RECQL: variants seen among roughly 807,000 people sequenced by gnomAD.
RECQL encodes ATP-dependent DNA helicase Q1.
A neutral mutation model predicts 75.8 loss-of-function variants in RECQL; 73 were observed. That is an observed-to-expected ratio of 0.96 (90% CI 0.80 to 1.17). RECQL has a LOEUF of 1.17. Ranked by LOEUF, RECQL falls within the 50% of genes most tolerant of loss-of-function variation. The pLI is 0.00. For synonymous variants in RECQL, 248 were observed against 254.4 expected, an observed-to-expected ratio of 0.97 and a Z score of 0.24; for missense variants, 699 against 772.1, an observed-to-expected ratio of 0.91 and a Z score of 1.12.
At chr12:21,487,981 G>T (rs1208517719) in intron 4 of RECQL, among the ~76,000 whole-genome samples, 1 of 152,122 alleles carries the variant, frequency 6.6e-6, no homozygotes, top group African/African-American at 2.4e-5. Flanking sequence ...ACAGCAGCTG[G>T]AATAGACTAA....
At chr12:21,499,238 G>A (rs1426586597) in intron 2 of RECQL, among the ~76,000 whole-genome samples, 1 of 152,160 alleles carries the variant, frequency 6.6e-6, no homozygotes, top group East Asian at 1.9e-4. Flanking sequence ...GTAGAATAGT[G>A]GCTATCAGGG....
chr12:21,490,262 G>T lies in RECQL; in HGVS notation c.331C>A (p.Leu111Ile). The T allele has an allele frequency of 1.2e-6, 2 of 1,613,066 alleles. No homozygotes were observed. Among genetic ancestry groups the T allele is most frequent in the East Asian group, 2.2e-5 (1 of 44,784 alleles). ...NVTMAGKEVFLVMPTGGGKSL... is the reference protein window; with the variant it reads ...NVTMAGKEVFIVMPTGGGKSL... ...TTTCCACCTCCTGTAGGCATAACAA[G>T]AAATACCTCCTTTCCAGCCATTGTT... Residue 111 changes from leucine (L) to isoleucine (I), a missense_variant, in exon 4 of 15, where the codon CTT becomes ATT. This residue lies in a region of RECQL where 669 missense variants were observed against 713.5 expected (regional missense o/e 0.94). Transcript: ENST00000444129.
intron 6 of RECQL, among the ~76,000 whole-genome samples, chr12:21,479,726 G>A (rs1206513605): frequency 2.6e-5 from 4 of 152,088 alleles, no homozygotes; most frequent in Non-Finnish European, 4.4e-5. Context: ...GACTGGAATA[G>A]ACAAAACACT....
At chr12:21,493,609 C>A (rs1240277218) in intron 2 of RECQL, among the ~76,000 whole-genome samples, 1 of 152,216 alleles carries the variant, frequency 6.6e-6, no homozygotes, top group Non-Finnish European at 1.5e-5. Flanking sequence ...AGTCAGCACA[C>A]TGACTGGGAA....
Position 21,475,600 on chromosome 12 carries a change from C to T in RECQL, c.1099-15G>A, listed in dbSNP as rs772342353. 13 of 1,608,886 alleles carry T rather than the reference C, an allele frequency of 8.1e-6. 1 individual carries two copies. The South Asian group carries it at 8.8e-5, about 11-fold the overall frequency. On this transcript the variant is annotated splice_polypyrimidine_tract_variant and intron_variant, in intron 9 of 14. Coordinates refer to ENST00000444129, the MANE Select transcript of RECQL (RefSeq NM_002907.4). ...GCCACTACTACCTGAAATATTTTAA[C>T]ATTTTATCAGTTAATTAAATCAAGT... is the stretch of plus-strand genomic sequence containing the variant.
chr12:21,471,535 C>T lies in RECQL; in HGVS notation c.1560G>A (p.Met520Ile). ...CTCTCAGTTTTGCTGCACCCTTTCC[C>T]ATCCAAGAATCAATCAGTTTCAATG... Reference protein sequence around the residue: ...LTPLKLIDSWMGKGAAKLRVA... With the variant: ...LTPLKLIDSWIGKGAAKLRVA... Residue 520 changes from methionine to isoleucine, a missense_variant, in exon 13 of 15, where the codon ATG becomes ATA. By Grantham distance (10) the Met-to-Ile change is conservative. This residue lies in a region of RECQL where 669 missense variants were observed against 713.5 expected (regional missense o/e 0.94). Transcript: ENST00000444129. The T allele has an allele frequency of 6.2e-7, 1 of 1,612,246 alleles. No individual in the cohort carries two copies. The highest frequency in any genetic ancestry group is 8.5e-7 in the Non-Finnish European group (1 of 1,179,134).
Position 21,468,920 on chromosome 12 carries a change from A to G in RECQL, c.*1274T>C, listed in dbSNP as rs1942856534. 4.5e-6 allele frequency: 3 copies of G among 660,136 alleles called. No individual in the cohort carries two copies. The highest frequency in any genetic ancestry group is 7.3e-6 in the Non-Finnish European group (3 of 409,632). 40.9% of individuals were successfully genotyped at this position (660,136 alleles called of 1,614,324 possible). A position where few individuals can be genotyped will look rare whatever the true frequency, so the allele number is the denominator to read the frequency against. On this transcript the variant is annotated 3_prime_UTR_variant, in exon 15 of 15. Transcript: ENST00000444129. ...TAAAAACATAAATTCTAAGTTTGAA[A>G]TCAGTTCAAAGTTTATTTATAGATA...
chr12:21,478,979 T>C (rs1186192475), intron 6 of RECQL, among the ~76,000 whole-genome samples: 2 of 152,220 alleles, frequency 1.3e-5, no homozygotes, highest in African/African-American at 4.8e-5. Context: ...AGGAAGTAGC[T>C]TACCAGAGAC....
At chr12:21,494,416 C>T (rs940774572) in intron 2 of RECQL, among the ~76,000 whole-genome samples, 6 of 152,126 alleles carry the variant, frequency 3.9e-5, no homozygotes, top group Admixed American at 1.3e-4. Context: ...AATACAATGT[C>T]GAATTAAGCT....
intron 8 of RECQL, 34 bp downstream of exon 8, chr12:21,476,877 C>G: frequency 6.9e-7 from 1 of 1,450,800 alleles, no homozygotes; most frequent in Non-Finnish European, 9.5e-7. Flanking sequence ...TGAAAGTTAT[C>G]TCTGTCTCCA....
chr12:21,475,359 TAA>T, intron 10 of RECQL, 107 bp downstream of exon 10: 1 of 716,666 alleles, frequency 1.4e-6, no homozygotes, highest in Non-Finnish European at 2.3e-6. Context: ...TACATTGTTC[TAA>T]AAATACTATC....
At chr12:21,493,579 T>C (rs1943451386) in intron 2 of RECQL, among the ~76,000 whole-genome samples, 1 of 152,246 alleles carries the variant, frequency 6.6e-6, no homozygotes, top group South Asian at 2.1e-4. Context: ...TTCCCAACCT[T>C]GCAGGGACTT....
At chr12:21,492,035 A>C (rs1168058477) in intron 2 of RECQL, among the ~76,000 whole-genome samples, 2 of 152,224 alleles carry the variant, frequency 1.3e-5, no homozygotes, top group Non-Finnish European at 2.9e-5. Context: ...TAGACGCAGT[A>C]CCTGGTACAC....
chr12:21,482,197 C>A, intron 6 of RECQL, among the ~76,000 whole-genome samples: 1 of 149,046 alleles, frequency 6.7e-6, no homozygotes, highest in South Asian at 2.1e-4. Flanking sequence ...CTTAAGAAGG[C>A]AGGAAAGGAT....
At position 21,501,623 on chromosome 12, in the gene RECQL, T is replaced by A. The variant is rs1459781763; in HGVS notation, c.-499A>T. ...GAGTAAAATCTTCCCGCCAGCCAGC[T>A]GAGAGCATCCACCCTTCCGGGTCGG... On this transcript the variant is annotated 5_prime_UTR_variant, in exon 1 of 15. Coordinates refer to ENST00000444129, the MANE Select transcript of RECQL (RefSeq NM_002907.4). 1 of 423,210 alleles carries A rather than the reference T, an allele frequency of 2.4e-6. No individual in the cohort carries two copies. Among genetic ancestry groups the A allele is most frequent in the African/African-American group, 2.0e-5 (1 of 48,850 alleles). 26.2% of individuals were successfully genotyped at this position (423,210 alleles called of 1,614,324 possible).
chr12:21,492,752 C>A (rs546805970), intron 2 of RECQL, among the ~76,000 whole-genome samples: 1 of 152,324 alleles, frequency 6.6e-6, no homozygotes, highest in Admixed American at 6.5e-5. Context: ...GAAGCCAGTT[C>A]CCCCAGCTCC....
rs1565571187 is a variant in RECQL, at chr12:21,486,656, C to CCTTTTT, written c.395-72_395-71insAAAAAG. 4.8e-4 allele frequency: 78 copies of CCTTTTT among 161,202 alleles called. 18 individuals are homozygous for CCTTTTT. Among genetic ancestry groups the CCTTTTT allele is most frequent in the East Asian group, 2.0e-3 (9 of 4,450 alleles). 10.0% of individuals were successfully genotyped at this position (161,202 alleles called of 1,614,324 possible). A position where few individuals can be genotyped will look rare whatever the true frequency, so the allele number is the denominator to read the frequency against. ...CTCAGAATCAGATGCAAACCATTCA[C>CCTTTTT]GTTTTTTTTTTTTTTTTTTTTTTTT... On this transcript the variant is annotated intron_variant, in intron 4 of 14. Coordinates refer to ENST00000444129, the MANE Select transcript of RECQL (RefSeq NM_002907.4).
chr12:21,495,836 T>C (rs914761559), intron 2 of RECQL, among the ~76,000 whole-genome samples: 1 of 152,140 alleles, frequency 6.6e-6, no homozygotes, highest in Non-Finnish European at 1.5e-5. Context: ...GGTGATCTCA[T>C]TGGCATGGGG....
intron 6 of RECQL, among the ~76,000 whole-genome samples, chr12:21,479,756 G>T (rs901950737): frequency 6.6e-6 from 1 of 152,128 alleles, no homozygotes; most frequent in Non-Finnish European, 1.5e-5. Flanking sequence ...CCAGTTAAAA[G>T]ATGGCAGTAA....
Sources: gnomAD v4.1 joint callset for allele counts (sites outside exome capture counted in the v4.1 genomes callset) on GRCh38, gnomAD v4.1.1 for gene constraint, gnomAD v4.1.1 regional missense constraint, MANE v1.5 for transcripts, NCBI Gene and HGNC (gene_info 2026-07-23, HGNC 2026-07-21) for gene names.